Variants in PPEF1 observed in about 807,000 individuals in gnomAD.
PPEF1 encodes the protein serine/threonine-protein phosphatase with EF-hands 1.
A neutral mutation model predicts 53.3 loss-of-function variants in PPEF1; 12 were observed. That is an observed-to-expected ratio of 0.23 (90% confidence interval 0.14 to 0.36). The LOEUF (loss-of-function observed/expected upper bound fraction) is 0.36, where lower values mean the gene tolerates loss of function less well. PPEF1 is among the 10% of genes least tolerant of loss of function. The pLI is 1.00. For missense variants in PPEF1, 334 were observed against 490.4 expected (o/e 0.68, Z 3.01); for synonymous variants, 165 against 176.7 (o/e 0.93, Z 0.52).
intron 5 of PPEF1, among the ~76,000 whole-genome samples, chrX:18,759,911 G>A (rs1289910422): frequency 2.7e-5 from 3 of 112,000 alleles, no homozygotes; most frequent in Admixed American, 1.9e-4. Context: ...AAATTTATGA[G>A]CAGAACTTAT....
chrX:18,734,799 C>T (rs1214288200), intron 3 of PPEF1, among the ~76,000 whole-genome samples: 1 of 111,176 alleles, frequency 9.0e-6, no homozygotes, highest in Non-Finnish European at 1.9e-5. Flanking sequence ...TGTTGTTTCC[C>T]GACTTTTAAT....
At chrX:18,770,318 T>G (rs2147541160) in intron 6 of PPEF1, among the ~76,000 whole-genome samples, 1 of 111,521 alleles carries the variant, frequency 9.0e-6, no homozygotes, top group East Asian at 2.8e-4. Flanking sequence ...CCAAACTATA[T>G]AAAGTAATAC....
At chrX:18,764,800 C>T (rs937292851) in intron 6 of PPEF1, among the ~76,000 whole-genome samples, 14 of 111,366 alleles carry the variant, frequency 1.3e-4, no homozygotes, top group Non-Finnish European at 2.1e-4. Flanking sequence ...TAAATTAAAT[C>T]GGGAACGTAG....
chrX:18,739,920 G>T (rs1217972661), intron 3 of PPEF1, among the ~76,000 whole-genome samples: 1 of 112,527 alleles, frequency 8.9e-6, no homozygotes, highest in Admixed American at 9.3e-5. Context: ...CCGTGGGCGT[G>T]GGACCCTCCA....
intron 9 of PPEF1, among the ~76,000 whole-genome samples, chrX:18,787,593 C>A (rs2046231811): frequency 1.8e-5 from 2 of 109,887 alleles, no homozygotes; most frequent in South Asian, 7.9e-4. Context: ...ACTTAAGAGA[C>A]CATGTGGCCT....
rs1484083769 is a variant in PPEF1 at position 18,809,865 on chromosome X, A to G, written c.1394+3320A>G. On this transcript the variant is annotated intron_variant, in intron 12 of 15. Coordinates refer to ENST00000470157, the MANE Select transcript of PPEF1 (RefSeq NM_001377996.1). ...GCTAAGTGAAATAAGTCAGACAAATACTGTATGACATCACTTATATGTGGA... is the reference window on the plus strand; with the variant it reads ...GCTAAGTGAAATAAGTCAGACAAATGCTGTATGACATCACTTATATGTGGA... Among the ~76,000 whole-genome samples, 5 of 111,501 alleles carry G rather than the reference A, an allele frequency of 4.5e-5. No homozygotes were observed. The East Asian group carries it at 8.4e-4, about 19-fold the overall frequency.
chrX:18,754,020 G>C (rs2045495685), intron 4 of PPEF1, among the ~76,000 whole-genome samples: 1 of 103,366 alleles, frequency 9.7e-6, no homozygotes, highest in South Asian at 4.4e-4. Flanking sequence ...TTAGTGTTTT[G>C]ACAGAGACTT....
intron 3 of PPEF1, among the ~76,000 whole-genome samples, chrX:18,748,626 G>A (rs375159791): frequency 8.9e-5 from 10 of 112,253 alleles, no homozygotes; most frequent in East Asian, 5.6e-4. Flanking sequence ...GGTTTGATTA[G>A]GCAGTTTTTT....
chrX:18,803,485 CTCTG>C (rs1240175641), intron 10 of PPEF1, among the ~76,000 whole-genome samples: 1 of 112,598 alleles, frequency 8.9e-6, no homozygotes, highest in Non-Finnish European at 1.9e-5. Flanking sequence ...GAGACAGGGT[CTCTG>C]TCTGTCACCC....
chrX:18,731,272 T>A (rs1056794286), intron 2 of PPEF1, among the ~76,000 whole-genome samples: 1 of 112,204 alleles, frequency 8.9e-6, no homozygotes, highest in Non-Finnish European at 1.9e-5. Flanking sequence ...TTGGTGGGTG[T>A]GGGTTGGGAT....
At chrX:18,746,592 G>A (rs1482949078) in intron 3 of PPEF1, among the ~76,000 whole-genome samples, 2 of 111,550 alleles carry the variant, frequency 1.8e-5, no homozygotes, top group Non-Finnish European at 3.8e-5. Context: ...TAACTGGAAG[G>A]GATGGAACTG....
intron 6 of PPEF1, among the ~76,000 whole-genome samples, chrX:18,767,259 T>TA (rs2045794384): frequency 1.8e-5 from 2 of 110,284 alleles, no homozygotes; most frequent in African/African-American, 6.6e-5. Flanking sequence ...TCTTAAGAAG[T>TA]AAAGGGGACC....
intron 12 of PPEF1, among the ~76,000 whole-genome samples, chrX:18,817,636 G>A (rs1255211869): frequency 5.7e-5 from 6 of 104,677 alleles, no homozygotes; most frequent in Non-Finnish European, 9.9e-5. Flanking sequence ...CACCACACCC[G>A]GCCTTTGTTT....
chrX:18,708,891 A>G (rs1314246264), intron 1 of PPEF1, among the ~76,000 whole-genome samples: 1 of 111,187 alleles, frequency 9.0e-6, no homozygotes, highest in Non-Finnish European at 1.9e-5. Context: ...GAGAGTAAAG[A>G]GAAATTATCT....
chrX:18,823,835 C>T, intron 13 of PPEF1, 88 bp from the exon 14 acceptor site: 2 of 1,008,951 alleles, frequency 2.0e-6, no homozygotes, highest in Non-Finnish European at 2.7e-6. Flanking sequence ...GCAGCTGGCC[C>T]CATGCTGCCC....
At chrX:18,803,191 G>A (rs1461269105) in intron 10 of PPEF1, among the ~76,000 whole-genome samples, 3 of 112,430 alleles carry the variant, frequency 2.7e-5, no homozygotes, top group Non-Finnish European at 5.6e-5. Context: ...CGAAGGGATG[G>A]GCCAAATTAA....
At chrX:18,744,090 C>G (rs929309557) in intron 3 of PPEF1, among the ~76,000 whole-genome samples, 1 of 109,841 alleles carries the variant, frequency 9.1e-6, no homozygotes. Context: ...GGGTTTCTTC[C>G]ATGCTGGTCA....
intron 1 of PPEF1, among the ~76,000 whole-genome samples, chrX:18,715,326 G>A (rs1229803443): frequency 9.0e-6 from 1 of 111,682 alleles, no homozygotes; most frequent in Non-Finnish European, 1.9e-5. Context: ...GAGGTCAGGA[G>A]TTCAAGACCA....
At chrX:18,716,973 T>C (rs924950484) in intron 1 of PPEF1, among the ~76,000 whole-genome samples, 3 of 110,038 alleles carry the variant, frequency 2.7e-5, no homozygotes, top group African/African-American at 9.9e-5. Context: ...GGGGAGGGCA[T>C]TGATTTTCCT....
Sources: gnomAD v4.1 joint callset for allele counts (sites outside exome capture counted in the v4.1 genomes callset) on GRCh38, gnomAD v4.1.1 for gene constraint, MANE v1.5 for transcripts, NCBI Gene and HGNC (gene_info 2026-07-23, HGNC 2026-07-21) for gene names.